Variants in VOPP1 observed in about 807,000 individuals in gnomAD.
VOPP1 encodes the protein WW domain binding protein VOPP1.
In VOPP1, 8 loss-of-function variants were observed where a neutral mutation model predicts 23.5. The ratio of observed to expected loss-of-function variants is 0.34; its 90% CI spans 0.20 to 0.61. The LOEUF is 0.61. VOPP1 is among the 20% of genes least tolerant of loss of function. VOPP1 has a pLI of 0.78. For missense variants in VOPP1, 174 were observed against 238.1 expected, an observed-to-expected ratio of 0.73 and a Z score of 1.77; for synonymous variants, 83 against 97.3, an observed-to-expected ratio of 0.85 and a Z score of 0.86.
rs1791808247 is a variant in VOPP1, at chr7:55,471,391, C to T, written c.*1464G>A. The T allele has an allele frequency of 6.6e-6, 1 of 152,312 alleles. No individual in the cohort carries two copies. Among genetic ancestry groups the T allele is most frequent in the Non-Finnish European group, 1.5e-5 (1 of 68,024 alleles). 9.4% of individuals were successfully genotyped at this position (152,312 alleles called of 1,614,324 possible). A position where few individuals can be genotyped will look rare whatever the true frequency, so the allele number is the denominator to read the frequency against. On this transcript the variant is annotated 3_prime_UTR_variant, in exon 5 of 5. Coordinates refer to ENST00000285279, the MANE Select transcript of VOPP1 (RefSeq NM_030796.5). ...GTCCTCAGAGTGAAAAGCATGGACACCAAATCACTCCGTATCCACTTCCAT... is the reference window on the plus strand; with the variant it reads ...GTCCTCAGAGTGAAAAGCATGGACATCAAATCACTCCGTATCCACTTCCAT...
intron 1 of VOPP1, among the ~76,000 whole-genome samples, chr7:55,543,117 G>C (rs184379843): frequency 6.6e-6 from 1 of 151,918 alleles, no homozygotes; most frequent in East Asian, 1.9e-4. Context: ...GGGTTTCACC[G>C]TGTTAGCCAG....
chr7:55,456,570 T>C (rs1233616276), intron 4 of VOPP1, among the ~76,000 whole-genome samples: 2 of 152,156 alleles, frequency 1.3e-5, no homozygotes, highest in East Asian at 3.8e-4. Flanking sequence ...AATGGTAGAC[T>C]GGATAAAGAA....
At chr7:55,444,715 C>CTT (rs34123434) in intron 4 of VOPP1, among the ~76,000 whole-genome samples, 3,865 of 147,608 alleles carry the variant, frequency 0.026, 103 homozygotes, top group African/African-American at 0.07. Context: ...CGTAGAAACT[C>CTT]TTTTTTTTTT....
chr7:55,503,324 G>A (rs1165463956), intron 2 of VOPP1, among the ~76,000 whole-genome samples: 1 of 152,132 alleles, frequency 6.6e-6, no homozygotes, highest in Non-Finnish European at 1.5e-5. Flanking sequence ...TGGTCGCTGT[G>A]GGAGTTTTTG....
chr7:55,482,866 C>G lies in VOPP1; in HGVS notation c.328+9416G>C, dbSNP rs1020808104. 6.6e-5 allele frequency among the ~76,000 whole-genome samples: 10 copies of G among 152,284 alleles called. No individual in the cohort carries two copies. The South Asian group carries it at 1.7e-3, about 25-fold the overall frequency. ...ACACTAAGTTTTCACTTTTTCTTTC[C>G]TAGCTGTATAAATCAGAAGCTGAGT... is the stretch of plus-strand genomic sequence containing the variant. On this transcript the variant is annotated intron_variant, in intron 4 of 4. Transcript: ENST00000285279.
At chr7:55,447,834 T>C (rs1343283485) in intron 4 of VOPP1, among the ~76,000 whole-genome samples, 1 of 152,122 alleles carries the variant, frequency 6.6e-6, no homozygotes, top group Admixed American at 6.5e-5. Context: ...AAGAAGGTGG[T>C]TTGTGTAGGT....
chr7:55,513,077 A>G (rs1243282436), intron 2 of VOPP1, among the ~76,000 whole-genome samples: 1 of 152,232 alleles, frequency 6.6e-6, no homozygotes, highest in Non-Finnish European at 1.5e-5. Context: ...AGCACTTTAA[A>G]AAGAAGCTTC....
chr7:55,559,404 T>C (rs1425514694), intron 1 of VOPP1, among the ~76,000 whole-genome samples: 2 of 150,952 alleles, frequency 1.3e-5, no homozygotes, highest in African/African-American at 2.4e-5. Context: ...CCGCTGACCG[T>C]GCCATTGGGC....
chr7:55,537,839 T>C (rs1221580437), intron 1 of VOPP1: 3 of 693,448 alleles, frequency 4.3e-6, no homozygotes, highest in Non-Finnish European at 6.2e-6. Flanking sequence ...TTCAAACCCA[T>C]GAAAGGGGGA....
chr7:55,458,606 G>C (rs968052441), intron 4 of VOPP1, among the ~76,000 whole-genome samples: 3 of 152,022 alleles, frequency 2.0e-5, no homozygotes, highest in African/African-American at 7.2e-5. Flanking sequence ...TTCCCTTGTA[G>C]AGACCTTTCA....
intron 2 of VOPP1, among the ~76,000 whole-genome samples, chr7:55,517,501 T>C (rs916107750): frequency 6.6e-6 from 1 of 152,030 alleles, no homozygotes; most frequent in Non-Finnish European, 1.5e-5. Flanking sequence ...GGCAGCAGTG[T>C]GCAATGGCAG....
rs1202666623 is a variant in VOPP1, at chr7:55,473,034, G to C, written c.340C>G (p.Pro114Ala). Residue 114 changes from proline (P) to alanine (A), a missense_variant, in exon 5 of 5, where the codon CCG becomes GCG. Pro to Ala is a conservative substitution (Grantham distance 27). Transcript: ENST00000285279. ...PPNPGPGAQQPGPPYYTDPGG... is the reference protein window; with the variant it reads ...PPNPGPGAQQAGPPYYTDPGG... ...GGGTCGGTGTAATAGGGCGGCCCCG[G>C]CTGCTGGGCTCCTGAAAGACAGACA... The C allele has an allele frequency of 5.6e-6, 9 of 1,597,794 alleles. No individual in the cohort carries two copies. The Admixed American group carries it at 1.6e-4, about 28-fold the overall frequency.
intron 4 of VOPP1, among the ~76,000 whole-genome samples, chr7:55,465,087 T>A (rs919287041): frequency 6.6e-6 from 1 of 152,236 alleles, no homozygotes; most frequent in African/African-American, 2.4e-5. Flanking sequence ...ATGTTCCCTG[T>A]CACTTCTCTG....
At chr7:55,435,569 A>T (rs1562874419), downstream of VOPP1, among the ~76,000 whole-genome samples, 1 of 152,210 alleles carries the variant, frequency 6.6e-6, no homozygotes, top group Non-Finnish European at 1.5e-5. Flanking sequence ...TCCAGGCAGC[A>T]CAGTACGCAG....
At chr7:55,495,712 A>G (rs1793901787) in intron 3 of VOPP1, among the ~76,000 whole-genome samples, 1 of 152,212 alleles carries the variant, frequency 6.6e-6, no homozygotes, top group Non-Finnish European at 1.5e-5. Context: ...TGCCTGGTGT[A>G]TATCAGACCC....
intron 1 of VOPP1, among the ~76,000 whole-genome samples, chr7:55,544,626 A>T (rs1219827235): frequency 6.6e-6 from 1 of 152,178 alleles, no homozygotes; most frequent in Non-Finnish European, 1.5e-5. Flanking sequence ...TTCAGGGAGG[A>T]CCTCACCAGA....
chr7:55,537,338 T>C (rs1796858133), intron 1 of VOPP1, among the ~76,000 whole-genome samples: 1 of 152,202 alleles, frequency 6.6e-6, no homozygotes, highest in African/African-American at 2.4e-5. Flanking sequence ...CCCCCACTGC[T>C]GGCTCTGGAG....
intron 2 of VOPP1, among the ~76,000 whole-genome samples, chr7:55,515,162 G>C (rs1018110163): frequency 1.3e-5 from 2 of 152,160 alleles, no homozygotes; most frequent in East Asian, 3.8e-4. Context: ...GGTGGCCTCT[G>C]GGGGGCTGAG....
At chr7:55,479,156 T>C (rs1363071117) in intron 4 of VOPP1, among the ~76,000 whole-genome samples, 1 of 152,174 alleles carries the variant, frequency 6.6e-6, no homozygotes, top group Non-Finnish European at 1.5e-5. Context: ...TTTTCTTTTT[T>C]TTTTTTTTAT....
Sources: allele counts gnomAD v4.1 joint callset (sites outside exome capture counted in the v4.1 genomes callset), GRCh38; gene constraint gnomAD v4.1.1; transcripts MANE v1.5; gene names NCBI Gene and HGNC (gene_info 2026-07-23, HGNC 2026-07-21).